SYN3: variants seen among roughly 807,000 people sequenced by gnomAD.
SYN3 encodes the protein synapsin III.
SYN3 carries 35 observed loss-of-function variants against 65.8 expected under a neutral mutation model. The ratio of observed to expected loss-of-function variants is 0.53; its 90% CI spans 0.41 to 0.70. The LOEUF is 0.70. Among genes scored for constraint, SYN3 ranks in the 30% least tolerant of loss-of-function variants. The probability of loss-of-function intolerance (pLI) is 0.00; values close to 1 mark genes in which losing one functional copy is unlikely to be tolerated. For synonymous variants in SYN3, 270 were observed against 292.9 expected (o/e 0.92, Z 0.80); for missense variants, 680 against 749.0 (o/e 0.91, Z 1.08).
chr22:32,616,986 A>G (rs2059529241), intron 6 of SYN3, among the ~76,000 whole-genome samples: 1 of 152,178 alleles, frequency 6.6e-6, no homozygotes, highest in South Asian at 2.1e-4. Context: ...AGGGCCAACC[A>G]CAGGGATGGA....
At chr22:32,652,430 GAAAC>G (rs1428146444) in intron 6 of SYN3, among the ~76,000 whole-genome samples, 6 of 104,356 alleles carry the variant, frequency 5.7e-5, no homozygotes, top group East Asian at 4.0e-3. Flanking sequence ...AGAAAACAAA[GAAAC>G]AAAGTTTCTT....
At chr22:32,608,954 TTTC>T (rs377421066) in intron 6 of SYN3, among the ~76,000 whole-genome samples, 13 of 152,208 alleles carry the variant, frequency 8.5e-5, no homozygotes, top group South Asian at 2.1e-4. Context: ...TTGCTCTTTT[TTTC>T]TTCTTCTTTT....
intron 1 of SYN3, chr22:33,015,241 AAC>A: frequency 6.7e-6 from 3 of 446,060 alleles, no homozygotes; most frequent in Non-Finnish European, 1.1e-5. Flanking sequence ...AAAAAAAAAA[AAC>A]TACTGTATCT....
At chr22:32,899,266 T>C (rs1240580520) in intron 4 of SYN3, among the ~76,000 whole-genome samples, 1 of 152,334 alleles carries the variant, frequency 6.6e-6, no homozygotes, top group African/African-American at 2.4e-5. Flanking sequence ...GCCTATGGAC[T>C]GAGCCAGTGC....
chr22:32,857,392 T>A, intron 6 of SYN3: 1 of 1,550,596 alleles, frequency 6.4e-7, no homozygotes, highest in Non-Finnish European at 8.9e-7. Context: ...TAGGCCAGGG[T>A]TTGGCCAAGG....
In SYN3 at chr22:32,597,521, T is replaced by G. The variant is rs146599095; in HGVS notation, c.712-785A>C. Among the ~76,000 whole-genome samples the G allele has an allele frequency of 4.3e-3, 658 of 152,182 alleles. 5 individuals carry two copies. The highest frequency in any genetic ancestry group is 5.0e-3 in the South Asian group (24 of 4,814). On this transcript the variant is annotated intron_variant, in intron 6 of 13. Transcript: ENST00000358763. ...GTGAGCCACCGCGCCTGGCCCATTA[T>G]TCTTTCAAATAACACTTCAACCACC...
intron 6 of SYN3, among the ~76,000 whole-genome samples, chr22:32,744,740 G>A (rs539576022): frequency 5.9e-5 from 9 of 152,252 alleles, no homozygotes; most frequent in Middle Eastern, 3.4e-3. Flanking sequence ...CAGAAACCCC[G>A]CTGAGAACTA....
chr22:33,057,077 G>A (rs976005249), intron 1 of SYN3, among the ~76,000 whole-genome samples: 23 of 152,152 alleles, frequency 1.5e-4, no homozygotes, highest in African/African-American at 5.5e-4. Flanking sequence ...CAGAAGCCAG[G>A]GAGCAGGGCT....
At chr22:32,533,996 C>G (rs1225429243) in intron 9 of SYN3, 101 bp from the exon 10 acceptor site, 1 of 700,842 alleles carries the variant, frequency 1.4e-6, no homozygotes, top group Non-Finnish European at 2.5e-6. Context: ...CAGGGAGGGA[C>G]AGTGACTCAC....
At chr22:32,739,179 G>A (rs1433362369) in intron 6 of SYN3, among the ~76,000 whole-genome samples, 1 of 150,724 alleles carries the variant, frequency 6.6e-6, no homozygotes, top group African/African-American at 2.4e-5. Flanking sequence ...ATCACAGGGG[G>A]GGGGCGGTTT....
chr22:32,916,327 CA>C (rs1215520504), intron 4 of SYN3, among the ~76,000 whole-genome samples: 1 of 152,182 alleles, frequency 6.6e-6, no homozygotes, highest in African/African-American at 2.4e-5. Flanking sequence ...TGTGGGTTTA[CA>C]ACACAAAGAT....
chr22:32,872,236 A>G (rs1445222033), intron 4 of SYN3, among the ~76,000 whole-genome samples: 1 of 152,228 alleles, frequency 6.6e-6, no homozygotes, highest in Non-Finnish European at 1.5e-5. Flanking sequence ...CTTGGACAAA[A>G]TAGGCCTCAA....
intron 6 of SYN3, among the ~76,000 whole-genome samples, chr22:32,635,566 A>T (rs951913264): frequency 4.6e-5 from 7 of 152,236 alleles, no homozygotes; most frequent in African/African-American, 1.7e-4. Context: ...TATTTCACAG[A>T]TGCTTTCAAG....
chr22:33,022,324 C>T, intron 1 of SYN3, among the ~76,000 whole-genome samples: 1 of 152,206 alleles, frequency 6.6e-6, no homozygotes. Context: ...AGTCTAGGGA[C>T]AGGCTGAGAA....
At chr22:32,541,524 G>A (rs762929046) in intron 8 of SYN3, 47 bp downstream of exon 8, 1 of 1,610,608 alleles carries the variant, frequency 6.2e-7, no homozygotes, top group Non-Finnish European at 8.5e-7. Flanking sequence ...TGCACCTCTG[G>A]GCTGCCTTCC....
chr22:32,673,006 GC>G (rs1436137059), intron 6 of SYN3, among the ~76,000 whole-genome samples: 2 of 152,210 alleles, frequency 1.3e-5, no homozygotes, highest in African/African-American at 4.8e-5. Flanking sequence ...CCTTTGGAGG[GC>G]CCCAGATGGG....
At chr22:32,574,238 C>G (rs1025081024) in intron 7 of SYN3, among the ~76,000 whole-genome samples, 1 of 151,908 alleles carries the variant, frequency 6.6e-6, no homozygotes, top group Non-Finnish European at 1.5e-5. Context: ...CCCAGCCACT[C>G]GGGAGGCTGA....
At chr22:32,606,909 G>T (rs562441359) in intron 6 of SYN3, among the ~76,000 whole-genome samples, 10 of 151,668 alleles carry the variant, frequency 6.6e-5, no homozygotes, top group African/African-American at 2.4e-4. Context: ...TGCACAACGT[G>T]CAGGTTTGTT....
rs1317531587 is a variant in SYN3, at chr22:32,765,163, G to GGGGCC, written c.711+99751_711+99752insGGCCC. On this transcript the variant is annotated intron_variant, in intron 6 of 13. Transcript: ENST00000358763. ...GGACTGTGTGCACCAGAGGGCCAGA[G>GGGGCC]AGGCAGTGGTGAGGGTCACTCAGAA... Among the ~76,000 whole-genome samples the GGGGCC allele has an allele frequency of 2.0e-5, 3 of 152,230 alleles. No individual in the cohort carries two copies. The East Asian group carries it at 5.8e-4, about 29-fold the overall frequency.
Sources: allele counts gnomAD v4.1 joint callset (sites outside exome capture counted in the v4.1 genomes callset), GRCh38; gene constraint gnomAD v4.1.1; transcripts MANE v1.5; gene names NCBI Gene and HGNC (gene_info 2026-07-23, HGNC 2026-07-21).